Variants in C3orf20 observed in about 807,000 individuals in gnomAD.
C3orf20 encodes family with sequence similarity 149 member C, also known as uncharacterized protein C3orf20.
C3orf20 carries 76 observed loss-of-function variants against 88.3 expected under a neutral mutation model. The observed-to-expected ratio is 0.86, with a 90% CI of 0.72 to 1.04. The LOEUF (loss-of-function observed/expected upper bound fraction) is 1.04, where lower values mean the gene tolerates loss of function less well. C3orf20 is among the 50% of genes least tolerant of loss of function. C3orf20 has a pLI of 0.00. For missense variants in C3orf20, 1,056 were observed against 1,123.3 expected (o/e 0.94, Z 0.86); for synonymous variants, 436 against 437.4 (o/e 1.00, Z 0.04).
In C3orf20 at chr3:14,682,977, C is replaced by A; in HGVS notation, c.264C>A (p.Val88=). ...VVLMEPTFVQ[V]PTLKKPLPPP... is the part of the protein sequence containing the mutation. Reference sequence around the variant, plus strand: ...TCATGGAACCCACCTTTGTGCAGGTCCCCACACTGAAGAAGCCACTACCTC... The same window carrying A: ...TCATGGAACCCACCTTTGTGCAGGTACCCACACTGAAGAAGCCACTACCTC... The change falls in exon 3 of 17, where the codon GTC becomes GTA. Residue 88 remains valine (V), a synonymous_variant. Coordinates refer to ENST00000253697, the MANE Select transcript of C3orf20 (RefSeq NM_032137.5). 6.2e-7 allele frequency: 1 copy of A among 1,614,008 alleles called. No homozygotes were observed. The highest frequency in any genetic ancestry group is 8.5e-7 in the Non-Finnish European group (1 of 1,179,944).
intron 12 of C3orf20, among the ~76,000 whole-genome samples, chr3:14,739,426 T>C (rs2034832550): frequency 6.6e-6 from 1 of 152,258 alleles, no homozygotes; most frequent in Non-Finnish European, 1.5e-5. Flanking sequence ...TATACTATTC[T>C]GTGAATAGAT....
chr3:14,751,868 G>A (rs937091735), intron 12 of C3orf20, among the ~76,000 whole-genome samples: 6 of 152,112 alleles, frequency 3.9e-5, no homozygotes, highest in African/African-American at 1.4e-4. Flanking sequence ...CATGCTCATG[G>A]GTAAGAAGAA....
chr3:14,685,518 GT>G (rs1305770331), intron 4 of C3orf20, among the ~76,000 whole-genome samples: 87 of 150,560 alleles, frequency 5.8e-4, no homozygotes, highest in African/African-American at 1.9e-3. Flanking sequence ...GTGTATGTGT[GT>G]TAAGAACACA....
At chr3:14,678,808 A>G (rs189634548) in intron 1 of C3orf20, among the ~76,000 whole-genome samples, 3 of 152,326 alleles carry the variant, frequency 2.0e-5, no homozygotes, top group East Asian at 3.9e-4. Context: ...CTGCCCTCCA[A>G]TTGCAGAGAT....
chr3:14,683,650 G>A (rs1349515753), intron 3 of C3orf20, among the ~76,000 whole-genome samples: 1 of 152,064 alleles, frequency 6.6e-6, no homozygotes, highest in Non-Finnish European at 1.5e-5. Context: ...GGCTGAGGCA[G>A]GATGATCACA....
rs764892544 is a variant in C3orf20, at chr3:14,743,416, GCAGGGTA to G, written c.1941-13951_1941-13945del. On this transcript the variant is annotated intron_variant, in intron 12 of 16. Transcript: ENST00000253697. The stretch of plus-strand genomic sequence containing the variant: ...TGGGCAGCTCTGCCCCTGTGACTTT[GCAGGGTA>G]CAGCCTCCCTCCTGGCTCCTTTCAT... 5.3e-5 allele frequency among the ~76,000 whole-genome samples: 8 copies of G among 152,104 alleles called. No homozygotes were observed. The South Asian group carries it at 1.4e-3, about 28-fold the overall frequency.
intron 5 of C3orf20, among the ~76,000 whole-genome samples, chr3:14,697,750 C>G (rs892226761): frequency 1.8e-4 from 27 of 147,778 alleles, no homozygotes; most frequent in Admixed American, 1.3e-3. Flanking sequence ...GATGTTCCCC[C>G]CTCTGTGTGC....
intron 7 of C3orf20, among the ~76,000 whole-genome samples, chr3:14,711,007 C>T (rs1204320802): frequency 1.3e-5 from 2 of 151,960 alleles, no homozygotes; most frequent in Non-Finnish European, 2.9e-5. Flanking sequence ...GATTCTCCTG[C>T]CTCAGCCTCC....
At chr3:14,764,201 A>G (rs2035637778) in intron 15 of C3orf20, among the ~76,000 whole-genome samples, 1 of 151,858 alleles carries the variant, frequency 6.6e-6, no homozygotes, top group Non-Finnish European at 1.5e-5. Flanking sequence ...CCAGACACAC[A>G]CAAACTAGAT....
intron 1 of C3orf20, among the ~76,000 whole-genome samples, chr3:14,681,500 T>C (rs774538669): frequency 6.6e-6 from 1 of 152,100 alleles, no homozygotes; most frequent in Non-Finnish European, 1.5e-5. Context: ...GTTGTTGGAG[T>C]TGGGCAACAG....
intron 5 of C3orf20, among the ~76,000 whole-genome samples, chr3:14,698,285 A>G (rs1163316414): frequency 6.6e-6 from 1 of 152,180 alleles, no homozygotes; most frequent in Admixed American, 6.5e-5. Flanking sequence ...CTGGTGCCTT[A>G]TTTAGTTCAT....
chr3:14,763,415 G>A (rs763917119), intron 15 of C3orf20, among the ~76,000 whole-genome samples: 20 of 152,014 alleles, frequency 1.3e-4, no homozygotes, highest in Non-Finnish European at 2.2e-4. Context: ...TCTCTCTGGG[G>A]CCTGTTGTAT....
chr3:14,713,996 A>T lies in C3orf20; in HGVS notation c.1161-11A>T. ...AGTTTTCTGTTAGTTCTACCTGAAC[A>T]TTTCTGCCAGCTATCCCTCTGGAAA... On this transcript the variant is annotated splice_polypyrimidine_tract_variant and intron_variant, in intron 7 of 16. Transcript: ENST00000253697. 1 of 1,613,956 alleles carries T rather than the reference A, an allele frequency of 6.2e-7. No individual in the cohort carries two copies.
Position 14,726,925 on chromosome 3 carries a change from G to A in C3orf20, c.1591G>A (p.Asp531Asn). The A allele has an allele frequency of 6.2e-7, 1 of 1,614,140 alleles. No individual in the cohort carries two copies. Among genetic ancestry groups the A allele is most frequent in the Non-Finnish European group, 8.5e-7 (1 of 1,180,024 alleles). ...GCTGAACCGCAGAATCAGCAACATG[G>A]ACGACAAGGTGTATAAGATGAGCCG... is the stretch of plus-strand genomic sequence containing the variant. Reference protein sequence around the residue: ...KRLNRRISNMDDKVYKMSRAL... With the variant: ...KRLNRRISNMNDKVYKMSRAL... Residue 531 changes from aspartate (D) to asparagine (N), a missense_variant, in exon 11 of 17, where the codon GAC (aspartate) becomes AAC (asparagine). Coordinates refer to ENST00000253697, the MANE Select transcript of C3orf20 (RefSeq NM_032137.5).
chr3:14,689,869 G>C, intron 4 of C3orf20, 128 bp from the exon 5 acceptor site: 1 of 1,232,154 alleles, frequency 8.1e-7, no homozygotes, highest in Non-Finnish European at 1.1e-6. Flanking sequence ...TAGGTGTTTT[G>C]TAACAATGCG....
chr3:14,713,945 G>A (rs1289615005), intron 7 of C3orf20, 62 bp from the exon 8 acceptor site: 7 of 1,583,214 alleles, frequency 4.4e-6, no homozygotes, highest in Non-Finnish European at 6.0e-6. Context: ...TTGCTTCAAT[G>A]GGACAACTGA....
intron 7 of C3orf20, among the ~76,000 whole-genome samples, chr3:14,711,454 A>G (rs959543415): frequency 2.6e-5 from 4 of 151,914 alleles, no homozygotes; most frequent in South Asian, 2.1e-4. Context: ...CTTAACATCT[A>G]TTTTGCATGG....
chr3:14,760,091 AGAG>A (rs947657454), intron 14 of C3orf20, 93 bp downstream of exon 14: 4 of 971,826 alleles, frequency 4.1e-6, no homozygotes, highest in Admixed American at 3.7e-5. Context: ...GGAGGAGGAG[AGAG>A]GAGAAGAAGG....
intron 12 of C3orf20, among the ~76,000 whole-genome samples, chr3:14,735,898 T>C (rs2034693699): frequency 6.6e-6 from 1 of 152,170 alleles, no homozygotes; most frequent in South Asian, 2.1e-4. Flanking sequence ...CCTGGCCTAT[T>C]GTGAACATAA....
Sources: allele counts gnomAD v4.1 joint callset (sites outside exome capture counted in the v4.1 genomes callset), GRCh38; gene constraint gnomAD v4.1.1; transcripts MANE v1.5; gene names NCBI Gene and HGNC (gene_info 2026-07-23, HGNC 2026-07-21).